Variants in HS3ST2 observed in about 807,000 individuals in gnomAD.
The protein encoded by HS3ST2 is heparan sulfate-glucosamine 3-sulfotransferase 2.
Under a neutral mutation model 26.3 loss-of-function variants are expected in HS3ST2, and 17 were observed. The observed-to-expected ratio is 0.65, with a 90% CI of 0.44 to 0.97. The LOEUF (loss-of-function observed/expected upper bound fraction) is 0.97. HS3ST2 is among the 50% of genes least tolerant of loss of function. The pLI is 0.00. For synonymous variants in HS3ST2, 237 were observed against 219.2 expected, an observed-to-expected ratio of 1.08 and a Z score of -0.72; for missense variants, 402 against 501.2, an observed-to-expected ratio of 0.80 and a Z score of 1.89.
intron 1 of HS3ST2, among the ~76,000 whole-genome samples, chr16:22,859,544 G>A (rs2141188612): frequency 6.6e-6 from 1 of 152,252 alleles, no homozygotes; most frequent in African/African-American, 2.4e-5. Context: ...TGAGTCTTGT[G>A]TTAACAATCC....
intron 1 of HS3ST2, among the ~76,000 whole-genome samples, chr16:22,907,125 G>A (rs1466795243): frequency 1.3e-5 from 2 of 152,166 alleles, no homozygotes; most frequent in Non-Finnish European, 2.9e-5. Flanking sequence ...ATGGATCAGA[G>A]TCTTAAAAAA....
chr16:22,826,344 A>G (rs1376762348), intron 1 of HS3ST2, among the ~76,000 whole-genome samples: 1 of 152,056 alleles, frequency 6.6e-6, no homozygotes, highest in Non-Finnish European at 1.5e-5. Flanking sequence ...CCCCCAGAGC[A>G]TCTCAGGTCT....
chr16:22,817,448 T>A (rs940774658), intron 1 of HS3ST2, among the ~76,000 whole-genome samples: 3 of 152,238 alleles, frequency 2.0e-5, no homozygotes, highest in Non-Finnish European at 4.4e-5. Flanking sequence ...CCCACTTAGA[T>A]GCTGTTTCCA....
At chr16:22,852,631 A>G (rs1169161121) in intron 1 of HS3ST2, among the ~76,000 whole-genome samples, 1 of 152,042 alleles carries the variant, frequency 6.6e-6, no homozygotes, top group Admixed American at 6.6e-5. Context: ...CTGCCTCCCA[A>G]GGCCTGCCCC....
chr16:22,907,272 A>T (rs972540984), intron 1 of HS3ST2, among the ~76,000 whole-genome samples: 2 of 152,258 alleles, frequency 1.3e-5, no homozygotes, highest in Non-Finnish European at 2.9e-5. Context: ...AGAAAGGTAG[A>T]CAAGGGCCTC....
At chr16:22,819,307 A>G (rs1395856562) in intron 1 of HS3ST2, among the ~76,000 whole-genome samples, 2 of 151,810 alleles carry the variant, frequency 1.3e-5, no homozygotes, top group Non-Finnish European at 2.9e-5. Flanking sequence ...CTGCTTTGCA[A>G]CCTTATAAAA....
chr16:22,854,670 ACT>A (rs2141186957), intron 1 of HS3ST2: 1 of 139,910 alleles, frequency 7.1e-6, no homozygotes, highest in East Asian at 2.1e-4. Flanking sequence ...ACAGGGTCTC[ACT>A]CTGTCATTCA....
At chr16:22,869,069 C>T (rs1901796117) in intron 1 of HS3ST2, among the ~76,000 whole-genome samples, 2 of 151,604 alleles carry the variant, frequency 1.3e-5, no homozygotes, top group African/African-American at 4.9e-5. Flanking sequence ...CTAACAGGTA[C>T]TAAACAAGCA....
intron 1 of HS3ST2, among the ~76,000 whole-genome samples, chr16:22,851,009 C>T (rs1054436966): frequency 4.6e-5 from 7 of 152,134 alleles, no homozygotes; most frequent in African/African-American, 1.7e-4. Context: ...GAGTGACTAC[C>T]CATGGCCTTT....
chr16:22,886,766 T>C (rs926551229), intron 1 of HS3ST2, among the ~76,000 whole-genome samples: 1 of 152,068 alleles, frequency 6.6e-6, no homozygotes, highest in Admixed American at 6.5e-5. Flanking sequence ...CCACTTCTTT[T>C]TCTTTTTTTT....
intron 1 of HS3ST2, among the ~76,000 whole-genome samples, chr16:22,861,077 A>G (rs1270957296): frequency 6.6e-6 from 1 of 152,032 alleles, no homozygotes; most frequent in Non-Finnish European, 1.5e-5. Context: ...GGGCCTCACT[A>G]TGTTGCCCAG....
chr16:22,908,259 T>C (rs557002010), intron 1 of HS3ST2, among the ~76,000 whole-genome samples: 1 of 152,290 alleles, frequency 6.6e-6, no homozygotes, highest in South Asian at 2.1e-4. Flanking sequence ...AGATAGGTTG[T>C]TGGCTTCATT....
intron 1 of HS3ST2, among the ~76,000 whole-genome samples, chr16:22,821,040 C>A (rs1010187066): frequency 6.6e-6 from 1 of 152,096 alleles, no homozygotes; most frequent in Non-Finnish European, 1.5e-5. Flanking sequence ...GTGACTAGAC[C>A]CTGCTTCATC....
At chr16:22,904,863 T>C (rs889971682) in intron 1 of HS3ST2, among the ~76,000 whole-genome samples, 2 of 152,154 alleles carry the variant, frequency 1.3e-5, no homozygotes, top group African/African-American at 2.4e-5. Context: ...GATTTGGGGC[T>C]GTGGACTTGG....
intron 1 of HS3ST2, among the ~76,000 whole-genome samples, chr16:22,866,304 C>A: frequency 6.6e-6 from 1 of 150,870 alleles, no homozygotes; most frequent in South Asian, 2.1e-4. Context: ...GGGGAGAATT[C>A]GCGCAAGCAC....
rs1902486505 is a variant in HS3ST2 at position 22,915,685 on chromosome 16, G to T, written c.*123G>T. On this transcript the variant is annotated 3_prime_UTR_variant, in exon 2 of 2. Coordinates refer to ENST00000261374, the MANE Select transcript of HS3ST2 (RefSeq NM_006043.2). Reference sequence around the variant, plus strand: ...CCAGCCCCCTTTCCCAACTTGAGTTGCATCATCTTGGAACCAGGAAGCCCA... The same window carrying T: ...CCAGCCCCCTTTCCCAACTTGAGTTTCATCATCTTGGAACCAGGAAGCCCA... 1 of 1,077,504 alleles carries T rather than the reference G, an allele frequency of 9.3e-7. No individual in the cohort carries two copies. Among genetic ancestry groups the T allele is most frequent in the Non-Finnish European group, 1.3e-6 (1 of 744,750 alleles). The allele number at this position is 1,077,504 out of a possible 1,614,324, so 66.7% of individuals were successfully genotyped here.
intron 1 of HS3ST2, among the ~76,000 whole-genome samples, chr16:22,914,275 G>T (rs771889109): frequency 7.6e-4 from 116 of 152,112 alleles, no homozygotes; most frequent in Non-Finnish European, 1.4e-3. Context: ...GCTGTATCTT[G>T]CCTGTTTTCA....
chr16:22,822,332 A>AT (rs1313962046), intron 1 of HS3ST2, among the ~76,000 whole-genome samples: 1 of 152,034 alleles, frequency 6.6e-6, no homozygotes, highest in Non-Finnish European at 1.5e-5. Flanking sequence ...CACCTGGTTA[A>AT]TTTTTAAAAT....
chr16:22,815,591 G>C (rs943542350), intron 1 of HS3ST2, among the ~76,000 whole-genome samples: 2 of 152,280 alleles, frequency 1.3e-5, no homozygotes, highest in Middle Eastern at 3.4e-3. Context: ...CATCGCCAGA[G>C]GTCTCCAGTA....
Sources: allele counts gnomAD v4.1 joint callset (sites outside exome capture counted in the v4.1 genomes callset), GRCh38; gene constraint gnomAD v4.1.1; transcripts MANE v1.5; gene names NCBI Gene and HGNC (gene_info 2026-07-23, HGNC 2026-07-21).